The following NRK variants were observed in gnomAD, a reference collection of about 807,000 sequenced individuals.
The protein encoded by NRK is nik-related protein kinase.
Under a neutral mutation model 125.2 loss-of-function variants are expected in NRK, and 67 were observed. The observed-to-expected ratio is 0.54, with a 90% CI of 0.44 to 0.66. The LOEUF is 0.66. NRK is among the 30% of genes least tolerant of loss of function. The probability of loss-of-function intolerance (pLI) is 0.00; values close to 1 mark genes in which losing one functional copy is unlikely to be tolerated. For missense variants in NRK, 1,224 were observed against 1,192.9 expected (o/e 1.03, Z -0.38); for synonymous variants, 458 against 429.0 (o/e 1.07, Z -0.84).
chrX:105,881,245 T>C (rs1023976151), intron 3 of NRK, among the ~76,000 whole-genome samples: 12 of 111,890 alleles, frequency 1.1e-4, no homozygotes, highest in African/African-American at 3.6e-4. Context: ...GTTTTGTAGA[T>C]TTATTTTGCC....
intron 2 of NRK, among the ~76,000 whole-genome samples, chrX:105,854,822 G>A (rs1267058228): frequency 5.4e-5 from 6 of 111,916 alleles, no homozygotes; most frequent in African/African-American, 1.9e-4. Context: ...TGGAATCGCT[G>A]AGACCTGGAT....
At chrX:105,882,544 A>T (rs907130798) in intron 4 of NRK, among the ~76,000 whole-genome samples, 1 of 111,345 alleles carries the variant, frequency 9.0e-6, no homozygotes, top group South Asian at 3.8e-4. Flanking sequence ...TAATGAATTG[A>T]TATATTTTTT....
intron 7 of NRK, among the ~76,000 whole-genome samples, chrX:105,895,857 C>A (rs980720278): frequency 2.0e-4 from 22 of 111,364 alleles, no homozygotes; most frequent in Non-Finnish European, 4.1e-4. Flanking sequence ...TTACCATGTG[C>A]AAATTTCGAT....
chrX:105,869,168 G>A (rs777340470), intron 2 of NRK, among the ~76,000 whole-genome samples: 16 of 111,160 alleles, frequency 1.4e-4, no homozygotes, highest in Non-Finnish European at 2.6e-4. Flanking sequence ...GTGAGGCATG[G>A]AGTTTACCCA....
At chrX:105,826,890 T>C (rs1026106793) in intron 1 of NRK, among the ~76,000 whole-genome samples, 3 of 111,351 alleles carry the variant, frequency 2.7e-5, no homozygotes, top group African/African-American at 9.8e-5. Context: ...CATCAGTTTA[T>C]TTTCTCAGTC....
chrX:105,957,295 A>T lies in NRK; in HGVS notation c.*1695A>T, dbSNP rs1201674840. 9.0e-6 allele frequency: 1 copy of T among 111,086 alleles called. No homozygotes were observed. The highest frequency in any genetic ancestry group is 1.9e-5 in the Non-Finnish European group (1 of 52,895). 9.2% of individuals were successfully genotyped at this position (111,086 alleles called of 1,213,427 possible). A position where few individuals can be genotyped will look rare whatever the true frequency, so the allele number is the denominator to read the frequency against. Reference sequence around the variant, plus strand: ...AGTAGTTTTTTTTTTTTAAAAACAAACTTTTATGTCAAATTTTTTTTCTTA... The same window carrying T: ...AGTAGTTTTTTTTTTTTAAAAACAATCTTTTATGTCAAATTTTTTTTCTTA... On this transcript the variant is annotated 3_prime_UTR_variant, in exon 29 of 29. Transcript: ENST00000243300.
intron 16 of NRK, among the ~76,000 whole-genome samples, chrX:105,918,570 C>T (rs2040395745): frequency 9.0e-6 from 1 of 111,473 alleles, no homozygotes; most frequent in East Asian, 2.8e-4. Flanking sequence ...TACACAAATA[C>T]TATGTTGTGA....
rs1189242026 is a variant in NRK at position 105,869,063 on chromosome X, T to C, written c.124-11136T>C. ...GGATAAGATCTTTGCAATACATTAG[T>C]ATGGGAAGATTAGCTAGTGCTTTGG... On this transcript the variant is annotated intron_variant, in intron 2 of 28. Transcript: ENST00000243300. Among the ~76,000 whole-genome samples the C allele has an allele frequency of 2.7e-5, 3 of 110,798 alleles. No homozygotes were observed. The East Asian group carries it at 8.6e-4, about 32-fold the overall frequency.
chrX:105,822,973 G>A, intron 1 of NRK, 71 bp downstream of exon 1: 1 of 958,355 alleles, frequency 1.0e-6, no homozygotes, highest in Non-Finnish European at 1.4e-6. Flanking sequence ...GAGGGAGGGA[G>A]CGGACGCCCT....
intron 2 of NRK, among the ~76,000 whole-genome samples, chrX:105,864,870 C>A (rs1477743433): frequency 3.6e-5 from 4 of 110,953 alleles, no homozygotes; most frequent in African/African-American, 1.3e-4. Context: ...CCTCTCCCTT[C>A]TCTCCCCTTT....
intron 2 of NRK, among the ~76,000 whole-genome samples, chrX:105,833,853 C>T (rs185719487): frequency 9.0e-6 from 1 of 111,454 alleles, no homozygotes; most frequent in Non-Finnish European, 1.9e-5. Context: ...TACCTCTTCA[C>T]TGTGTGGTTT....
At chrX:105,900,700 A>G (rs1466218128) in intron 9 of NRK, 28 bp downstream of exon 9, 7 of 929,954 alleles carry the variant, frequency 7.5e-6, no homozygotes, top group African/African-American at 1.9e-5. Flanking sequence ...GATATTTGTT[A>G]AAGATTAGGG....
intron 28 of NRK, among the ~76,000 whole-genome samples, chrX:105,954,231 C>A (rs771267363): frequency 9.0e-6 from 1 of 110,942 alleles, no homozygotes; most frequent in East Asian, 2.8e-4. Flanking sequence ...ACAATGTTGT[C>A]TCTTTATTAT....
In NRK at chrX:105,912,637, T is replaced by A; in HGVS notation, c.2242-11T>A. ...ACAATTAAAACAATTACTTTCCTTT[T>A]TGTTTCAAAGGACAAAGAAGATGAA... On this transcript the variant is annotated splice_polypyrimidine_tract_variant and intron_variant, in intron 13 of 28. Transcript: ENST00000243300. 1.0e-6 allele frequency: 1 copy of A among 966,836 alleles called. No individual in the cohort carries two copies. Among genetic ancestry groups the A allele is most frequent in the Non-Finnish European group, 1.4e-6 (1 of 716,985 alleles). 79.7% of individuals were successfully genotyped at this position (966,836 alleles called of 1,213,427 possible).
intron 2 of NRK, among the ~76,000 whole-genome samples, chrX:105,860,086 T>C (rs960017238): frequency 1.3e-4 from 14 of 111,364 alleles, no homozygotes; most frequent in African/African-American, 4.3e-4. Flanking sequence ...TCTTGTAGGT[T>C]ATCTGTTCTA....
At chrX:105,873,767 A>G (rs1023562448) in intron 2 of NRK, among the ~76,000 whole-genome samples, 1 of 111,431 alleles carries the variant, frequency 9.0e-6, no homozygotes, top group African/African-American at 3.3e-5. Context: ...GAATCTGTTC[A>G]AATGCTATGC....
chrX:105,912,758 A>ACCTC lies in NRK; in HGVS notation c.2349+3_2349+4insCCTC. ...TTTCAAATCCTAAAAAAATTGAGGTAAATTTTTCAATATGAGTTGTTGTGA... is the reference window on the plus strand; with the variant it reads ...TTTCAAATCCTAAAAAAATTGAGGTACCTCAATTTTTCAATATGAGTTGTTGTGA... On this transcript the variant is annotated splice_donor_region_variant and intron_variant, in intron 14 of 28. Transcript: ENST00000243300. The ACCTC allele has an allele frequency of 1.1e-6, 1 of 932,214 alleles. No homozygotes were observed. The allele number at this position is 932,214 out of a possible 1,213,427, so 76.8% of individuals were successfully genotyped here. A position where few individuals can be genotyped will look rare whatever the true frequency, so the allele number is the denominator to read the frequency against.
chrX:105,856,349 CATTTT>C (rs907490841), intron 2 of NRK, among the ~76,000 whole-genome samples: 3 of 111,814 alleles, frequency 2.7e-5, no homozygotes, highest in African/African-American at 9.7e-5. Flanking sequence ...TGAAAAATCT[CATTTT>C]AGTTTATTAT....
At chrX:105,827,821 A>C (rs1475722432) in intron 1 of NRK, among the ~76,000 whole-genome samples, 3 of 112,124 alleles carry the variant, frequency 2.7e-5, no homozygotes, top group Non-Finnish European at 5.6e-5. Context: ...TGTATACCCA[A>C]ATGGGACATC....
Sources: allele counts gnomAD v4.1 joint callset (sites outside exome capture counted in the v4.1 genomes callset), GRCh38; gene constraint gnomAD v4.1.1; transcripts MANE v1.5; gene names NCBI Gene and HGNC (gene_info 2026-07-23, HGNC 2026-07-21).